The following ZNF529 variants were observed in gnomAD, a reference collection of about 807,000 sequenced individuals.
ZNF529 encodes zinc finger protein 529.
ZNF529 carries 11 observed loss-of-function variants against 10.1 expected under a neutral mutation model. The observed-to-expected ratio is 1.09, with a 90% CI of 0.69 to 1.81. The LOEUF (loss-of-function observed/expected upper bound fraction) is 1.81, where lower values mean the gene tolerates loss of function less well. Among genes scored for constraint, ZNF529 ranks in the 40% most tolerant of loss-of-function variants. The probability of loss-of-function intolerance (pLI) is 0.00; values close to 1 mark genes in which losing one functional copy is unlikely to be tolerated. For synonymous variants in ZNF529, 204 were observed against 215.7 expected (o/e 0.95, Z 0.47); for missense variants, 624 against 666.8 (o/e 0.94, Z 0.71).
intron 2 of ZNF529, among the ~76,000 whole-genome samples, chr19:36,568,490 T>TA (rs1473565997): frequency 6.6e-6 from 1 of 151,408 alleles, no homozygotes; most frequent in African/African-American, 2.4e-5. Context: ...TTTTTTTTTT[T>TA]ACACAGAGTC....
At chr19:36,568,628 C>T (rs556249077) in intron 2 of ZNF529, among the ~76,000 whole-genome samples, 36 of 152,132 alleles carry the variant, frequency 2.4e-4, no homozygotes, top group Admixed American at 3.3e-4. Flanking sequence ...CACACCACCA[C>T]GCCTGGCAAA....
Position 36,547,020 on chromosome 19 carries a change from T to C in ZNF529, c.1538A>G (p.Lys513Arg). ...AAAGGATGAACTATGTCTAAAGGCC[T>C]TCCCACATGCCTTGCATTCATAGGG... ...EKPYECKACG[K>R]AFRHSSSFTK... The change falls in exon 5 of 5, where the codon AAG (lysine) becomes AGG (arginine). Residue 513 changes from lysine (K) to arginine (R), a missense_variant. Physicochemically the swap from Lys to Arg is conservative, Grantham distance 26. Transcript: ENST00000591340. 1 of 1,614,052 alleles carries C rather than the reference T, an allele frequency of 6.2e-7. No homozygotes were observed. Among genetic ancestry groups the C allele is most frequent in the Non-Finnish European group, 8.5e-7 (1 of 1,179,950 alleles).
chr19:36,565,194 T>C (rs1328228757), intron 2 of ZNF529, among the ~76,000 whole-genome samples: 1 of 152,074 alleles, frequency 6.6e-6, no homozygotes, highest in Non-Finnish European at 1.5e-5. Context: ...CATCATGCAA[T>C]ATACTCATGT....
chr19:36,544,376 G>C lies in ZNF529; in HGVS notation c.*2490C>G, dbSNP rs1003483123. The C allele has an allele frequency of 6.6e-6, 1 of 152,058 alleles. No individual in the cohort carries two copies. The highest frequency in any genetic ancestry group is 1.5e-5 in the Non-Finnish European group (1 of 67,998). 9.4% of individuals were successfully genotyped at this position (152,058 alleles called of 1,614,324 possible). A position where few individuals can be genotyped will look rare whatever the true frequency, so the allele number is the denominator to read the frequency against. On this transcript the variant is annotated 3_prime_UTR_variant, in exon 5 of 5. Coordinates refer to ENST00000591340, the MANE Select transcript of ZNF529 (RefSeq NM_020951.5). ...AATGACTTCAAAAAGTAAAAGCCAA[G>C]ACACAAGGATATTTTGTTTCTCTCA...
At chr19:36,553,756 A>G (rs2035352093) in intron 4 of ZNF529, among the ~76,000 whole-genome samples, 1 of 152,188 alleles carries the variant, frequency 6.6e-6, no homozygotes, top group Non-Finnish European at 1.5e-5. Context: ...CCTCAAACAC[A>G]ATGTACAGGT....
Position 36,556,700 on chromosome 19 carries a change from A to G in ZNF529, c.15-503T>C, listed in dbSNP as rs118074032. 1.8e-3 allele frequency among the ~76,000 whole-genome samples: 278 copies of G among 152,328 alleles called. 1 individual carries two copies. Among genetic ancestry groups the G allele is most frequent in the Admixed American group, 4.3e-3 (65 of 15,286 alleles). On this transcript the variant is annotated intron_variant, in intron 2 of 4. Coordinates refer to ENST00000591340, the MANE Select transcript of ZNF529 (RefSeq NM_020951.5). ...AGACCTGGCTGCTGCCCCATCTGCCATCTACCAAGCACTCAGCTCCTAAAG... is the reference window on the plus strand; with the variant it reads ...AGACCTGGCTGCTGCCCCATCTGCCGTCTACCAAGCACTCAGCTCCTAAAG...
Position 36,565,007 on chromosome 19 carries a change from G to T in ZNF529, c.14+7326C>A, listed in dbSNP as rs528120072. On this transcript the variant is annotated intron_variant, in intron 2 of 4. Coordinates refer to ENST00000591340, the MANE Select transcript of ZNF529 (RefSeq NM_020951.5). ...ATGCAGAAAAAGAAAATCAAATACT[G>T]CATGTTCTCACTGCTAAGTGGGAGC... Among the ~76,000 whole-genome samples, 5 of 152,268 alleles carry T rather than the reference G, an allele frequency of 3.3e-5. No homozygotes were observed. In the South Asian group the frequency reaches 1.0e-3, roughly 32 times the overall value.
intron 1 of ZNF529, among the ~76,000 whole-genome samples, chr19:36,593,567 G>C (rs577868432): frequency 6.6e-6 from 1 of 151,746 alleles, no homozygotes; most frequent in East Asian, 1.9e-4. Flanking sequence ...TCATTTTACT[G>C]TTCCGAAAAA....
At chr19:36,567,096 C>T (rs1271478870) in intron 2 of ZNF529, among the ~76,000 whole-genome samples, 1 of 151,756 alleles carries the variant, frequency 6.6e-6, no homozygotes, top group African/African-American at 2.4e-5. Context: ...CAATTCAGAA[C>T]TGACTATAAA....
At chr19:36,600,385 G>A (rs957850801) in intron 1 of ZNF529, among the ~76,000 whole-genome samples, 25 of 152,042 alleles carry the variant, frequency 1.6e-4, no homozygotes, top group Non-Finnish European at 2.6e-4. Context: ...GCTAATAAAC[G>A]CCTATCATAG....
chr19:36,549,192 A>G (rs76494852), intron 4 of ZNF529, among the ~76,000 whole-genome samples: 1 of 152,238 alleles, frequency 6.6e-6, no homozygotes, highest in East Asian at 1.9e-4. Context: ...GTTGACCCTA[A>G]ATAACTTCAT....
intron 1 of ZNF529, among the ~76,000 whole-genome samples, chr19:36,598,789 T>C (rs2145292570): frequency 6.6e-6 from 1 of 152,278 alleles, no homozygotes; most frequent in Non-Finnish European, 1.5e-5. Context: ...CTAATAAATA[T>C]CATCTATTTG....
intron 2 of ZNF529, among the ~76,000 whole-genome samples, chr19:36,583,182 C>T (rs551749969): frequency 6.6e-6 from 1 of 151,948 alleles, no homozygotes; most frequent in South Asian, 2.1e-4. Context: ...CTCAGCCTCC[C>T]AAGTAGCTGG....
At chr19:36,551,240 A>T (rs1600250298) in intron 4 of ZNF529, among the ~76,000 whole-genome samples, 1 of 152,238 alleles carries the variant, frequency 6.6e-6, no homozygotes, top group East Asian at 1.9e-4. Flanking sequence ...TAAACTAAAC[A>T]AAACCAGAAA....
At chr19:36,563,811 T>A (rs1242207674) in intron 2 of ZNF529, among the ~76,000 whole-genome samples, 3 of 152,202 alleles carry the variant, frequency 2.0e-5, no homozygotes, top group African/African-American at 4.8e-5. Context: ...AGGGTCTGAA[T>A]AGCCAAGGTA....
intron 2 of ZNF529, among the ~76,000 whole-genome samples, chr19:36,588,233 TA>T (rs2036625035): frequency 6.6e-6 from 1 of 152,234 alleles, no homozygotes; most frequent in Admixed American, 6.5e-5. Context: ...GGGTGAATTG[TA>T]TATGAATTAT....
At chr19:36,563,889 C>T (rs1281430022) in intron 2 of ZNF529, among the ~76,000 whole-genome samples, 1 of 152,162 alleles carries the variant, frequency 6.6e-6, no homozygotes, top group Non-Finnish European at 1.5e-5. Context: ...TACAAGGCTA[C>T]AGTAACCAAA....
Position 36,573,253 on chromosome 19 carries a change from C to G in ZNF529, c.-160G>C, listed in dbSNP as rs1383540300. 9.7e-6 allele frequency: 3 copies of G among 307,816 alleles called. No homozygotes were observed. Among genetic ancestry groups the G allele is most frequent in the South Asian group, 2.5e-5 (1 of 40,504 alleles). 19.1% of individuals were successfully genotyped at this position (307,816 alleles called of 1,614,324 possible). On this transcript the variant is annotated 5_prime_UTR_variant, in exon 1 of 5. Coordinates refer to ENST00000591340, the MANE Select transcript of ZNF529 (RefSeq NM_020951.5). ...CCGCGAGCTCCTCCCGCAGCCCGGC[C>G]CGGGTCACCTCGACTCGCCAGGCTT...
At chr19:36,593,970 CAAG>C (rs960408079) in intron 1 of ZNF529, 1 of 152,186 alleles carries the variant, frequency 6.6e-6, no homozygotes, top group Non-Finnish European at 1.5e-5. Flanking sequence ...CCTGCACCCA[CAAG>C]GAGTCCAGCA....
Sources: gnomAD v4.1 joint callset for allele counts (sites outside exome capture counted in the v4.1 genomes callset) on GRCh38, gnomAD v4.1.1 for gene constraint, MANE v1.5 for transcripts, NCBI Gene and HGNC (gene_info 2026-07-23, HGNC 2026-07-21) for gene names.